Variants in BCKDHB observed in about 807,000 individuals in gnomAD.
The protein encoded by BCKDHB is branched chain keto acid dehydrogenase E1 subunit beta, also known as 2-oxoisovalerate dehydrogenase subunit beta, mitochondrial.
A neutral mutation model predicts 48.5 loss-of-function variants in BCKDHB; 41 were observed. The observed-to-expected ratio is 0.85, with a 90% CI of 0.66 to 1.10. The LOEUF (loss-of-function observed/expected upper bound fraction) is 1.10. BCKDHB is among the 50% of genes least tolerant of loss of function. The pLI, the probability that BCKDHB is intolerant of heterozygous loss-of-function variation, is 0.00. For synonymous variants in BCKDHB, 201 were observed against 174.8 expected (o/e 1.15, Z -1.18); for missense variants, 496 against 494.2 (o/e 1.00, Z -0.03).
chr6:80,442,374 A>G, the BCKDHB span, among the ~76,000 whole-genome samples: 3 of 152,224 alleles, frequency 2.0e-5, no homozygotes, highest in Non-Finnish European at 2.9e-5. Context: ...ATCAAATTAT[A>G]CAACAGTATA....
the BCKDHB span, among the ~76,000 whole-genome samples, chr6:80,361,110 G>A: frequency 3.9e-5 from 6 of 152,006 alleles, no homozygotes; most frequent in South Asian, 2.1e-4. Context: ...GGGGCCTCCC[G>A]GTATCTCTCT....
At chr6:80,385,607 A>G in the BCKDHB span, among the ~76,000 whole-genome samples, 6 of 152,152 alleles carry the variant, frequency 3.9e-5, no homozygotes, top group African/African-American at 1.4e-4. Context: ...GGCAACAGTG[A>G]TGGCCTCTCC....
chr6:80,228,473 T>A (rs986532571), intron 8 of BCKDHB, among the ~76,000 whole-genome samples: 1 of 152,220 alleles, frequency 6.6e-6, no homozygotes, highest in Non-Finnish European at 1.5e-5. Flanking sequence ...ACAGCACCAG[T>A]TCCTGGGGAT....
the BCKDHB span, among the ~76,000 whole-genome samples, chr6:80,384,531 G>A: frequency 5.0e-3 from 756 of 152,062 alleles, 4 homozygotes; most frequent in African/African-American, 0.017. Context: ...GCTAACTTTT[G>A]TATTTTTAAT....
At chr6:80,391,499 C>G in the BCKDHB span, among the ~76,000 whole-genome samples, 1 of 152,100 alleles carries the variant, frequency 6.6e-6, no homozygotes, top group Non-Finnish European at 1.5e-5. Flanking sequence ...AACCAAGGAG[C>G]ACCGAGGATT....
the BCKDHB span, among the ~76,000 whole-genome samples, chr6:80,388,224 G>A: frequency 1.1e-4 from 17 of 152,178 alleles, no homozygotes; most frequent in African/African-American, 4.1e-4. Context: ...GGTCCAGGCT[G>A]CTGTGAAAGC....
intron 6 of BCKDHB, among the ~76,000 whole-genome samples, chr6:80,184,699 A>G (rs559408260): frequency 6.6e-6 from 1 of 152,108 alleles, no homozygotes; most frequent in Non-Finnish European, 1.5e-5. Flanking sequence ...TATGAAGGTT[A>G]GTTTTGCGGC....
the BCKDHB span, among the ~76,000 whole-genome samples, chr6:80,422,410 G>A: frequency 6.6e-6 from 1 of 152,210 alleles, no homozygotes; most frequent in Non-Finnish European, 1.5e-5. Flanking sequence ...AGAGGGAAAA[G>A]GTGGGGTTGG....
chr6:80,374,363 C>T, the BCKDHB span: 2 of 828,626 alleles, frequency 2.4e-6, no homozygotes, highest in Admixed American at 1.7e-5. Context: ...CCTGGGCACA[C>T]CTGCCAACTC....
At chr6:80,243,154 A>ACAGAGAGAC (rs1776460163) in intron 8 of BCKDHB, among the ~76,000 whole-genome samples, 1 of 152,158 alleles carries the variant, frequency 6.6e-6, no homozygotes, top group Admixed American at 6.6e-5. Flanking sequence ...GAGACAAAGT[A>ACAGAGAGAC]AAAGGGAGTA....
At chr6:80,117,866 T>C (rs1185597289) in intron 1 of BCKDHB, among the ~76,000 whole-genome samples, 3 of 151,918 alleles carry the variant, frequency 2.0e-5, no homozygotes, top group Non-Finnish European at 4.4e-5. Flanking sequence ...GACCCCTGAT[T>C]TCCCACTCCA....
intron 9 of BCKDHB, among the ~76,000 whole-genome samples, chr6:80,325,618 T>C (rs79479028): frequency 0.01 from 1,590 of 152,344 alleles, 20 homozygotes; most frequent in African/African-American, 0.036. Context: ...CATTTGATGG[T>C]GGTGATCACA....
At chr6:80,374,479 C>T in the BCKDHB span, 4 of 751,654 alleles carry the variant, frequency 5.3e-6, no homozygotes, top group Admixed American at 3.4e-5. Flanking sequence ...TGGGCAGTTT[C>T]ACGAGTGTTC....
the BCKDHB span, among the ~76,000 whole-genome samples, chr6:80,423,077 C>A: frequency 7.9e-5 from 12 of 152,076 alleles, no homozygotes; most frequent in African/African-American, 2.7e-4. Flanking sequence ...GAGGGAGAGA[C>A]CTGGTGGGTG....
the BCKDHB span, among the ~76,000 whole-genome samples, chr6:80,392,699 T>C: frequency 6.6e-6 from 1 of 151,718 alleles, no homozygotes; most frequent in East Asian, 1.9e-4. Flanking sequence ...ACTTTTTCTG[T>C]CACCAAAACT....
chr6:80,424,524 C>G, the BCKDHB span, among the ~76,000 whole-genome samples: 1 of 151,958 alleles, frequency 6.6e-6, no homozygotes, highest in Non-Finnish European at 1.5e-5. Context: ...TATTTGCATC[C>G]AATTTTATAA....
At chr6:80,391,146 G>A in the BCKDHB span, among the ~76,000 whole-genome samples, 3 of 149,080 alleles carry the variant, frequency 2.0e-5, no homozygotes. Flanking sequence ...TTGTGATTGT[G>A]TAAGTTAATA....
At chr6:80,393,595 A>G in the BCKDHB span, among the ~76,000 whole-genome samples, 1 of 152,142 alleles carries the variant, frequency 6.6e-6, no homozygotes, top group South Asian at 2.1e-4. Flanking sequence ...ACAGTTGTTT[A>G]TAAGTTATCC....
At chr6:80,231,325 TAAAG>T (rs977378855) in intron 8 of BCKDHB, among the ~76,000 whole-genome samples, 3 of 152,150 alleles carry the variant, frequency 2.0e-5, no homozygotes, top group Admixed American at 6.5e-5. Context: ...ATAGAAGCTA[TAAAG>T]AAAGTATAGA....
Sources: gnomAD v4.1 joint callset for allele counts (sites outside exome capture counted in the v4.1 genomes callset) on GRCh38, gnomAD v4.1.1 for gene constraint, MANE v1.5 for transcripts, NCBI Gene and HGNC (gene_info 2026-07-23, HGNC 2026-07-21) for gene names.